Variants in KLHL8 observed in about 807,000 individuals in gnomAD.
The protein encoded by KLHL8 is kelch like family member 8.
A neutral mutation model predicts 63.5 loss-of-function variants in KLHL8; 38 were observed. The ratio of observed to expected loss-of-function variants is 0.60; its 90% CI spans 0.46 to 0.78. The LOEUF is 0.78. Ranked by LOEUF, KLHL8 falls within the 30% of genes least tolerant of loss-of-function variation. The pLI is 0.00. For synonymous variants in KLHL8, 224 were observed against 254.3 expected (o/e 0.88, Z 1.13); for missense variants, 566 against 752.4 (o/e 0.75, Z 2.90).
chr4:87,191,272 C>G (rs1372159235), intron 2 of KLHL8, among the ~76,000 whole-genome samples: 1 of 152,130 alleles, frequency 6.6e-6, no homozygotes, highest in Non-Finnish European at 1.5e-5. Flanking sequence ...AGTTCAAGAC[C>G]AGCCTGGGCA....
chr4:87,239,756 T>C (rs1733295759), intron 1 of KLHL8, among the ~76,000 whole-genome samples: 1 of 152,192 alleles, frequency 6.6e-6, no homozygotes, highest in Non-Finnish European at 1.5e-5. Context: ...TAAGATTTAT[T>C]TGAGAAACAT....
chr4:87,210,738 C>T lies in KLHL8; in HGVS notation c.-152+9680G>A, dbSNP rs116364775. 4.0e-3 allele frequency among the ~76,000 whole-genome samples: 603 copies of T among 152,262 alleles called. 2 individuals carry two copies. Among genetic ancestry groups the T allele is most frequent in the African/African-American group, 0.014 (562 of 41,532 alleles). On this transcript the variant is annotated intron_variant, in intron 1 of 9. Coordinates refer to ENST00000273963, the MANE Select transcript of KLHL8 (RefSeq NM_020803.5). Reference sequence around the variant, plus strand: ...TTTCCACATACTTTAGGCTATTTCACACCTCTCTGCCTCCTTTCAGGCTTT... The same window carrying T: ...TTTCCACATACTTTAGGCTATTTCATACCTCTCTGCCTCCTTTCAGGCTTT...
At chr4:87,181,307 G>A (rs1295443664) in intron 4 of KLHL8, among the ~76,000 whole-genome samples, 3 of 151,440 alleles carry the variant, frequency 2.0e-5, no homozygotes, top group African/African-American at 4.8e-5. Flanking sequence ...TTTGCCCGGC[G>A]TGGTGGGGCA....
intron 8 of KLHL8, among the ~76,000 whole-genome samples, 196 bp from the exon 9 acceptor site, chr4:87,164,275 G>T (rs1578353548): frequency 1.3e-5 from 2 of 151,668 alleles, no homozygotes; most frequent in South Asian, 2.1e-4. Flanking sequence ...ACAATTCCAC[G>T]TTAGGTAAGT....
chr4:87,165,558 TA>T lies in KLHL8; in HGVS notation c.1538-1480del, dbSNP rs201718045. On this transcript the variant is annotated intron_variant, in intron 8 of 9. Transcript: ENST00000273963. The stretch of plus-strand genomic sequence containing the variant: ...ATAGGCATATGCCACCACTCCTGGC[TA>T]ATTTTTTTTTTTTTTAAATAGAGAT... 6.0e-3 allele frequency among the ~76,000 whole-genome samples: 905 copies of T among 151,660 alleles called. 28 individuals are homozygous for T. The highest frequency in any genetic ancestry group is 0.053 in the Admixed American group (812 of 15,216).
intron 1 of KLHL8, among the ~76,000 whole-genome samples, chr4:87,205,662 C>G (rs781530280): frequency 3.9e-5 from 6 of 152,078 alleles, no homozygotes; most frequent in Non-Finnish European, 8.8e-5. Context: ...TGGGGTTTTG[C>G]CATGTTGCCC....
chr4:87,219,684 C>A (rs1220651181), intron 1 of KLHL8: 1 of 152,308 alleles, frequency 6.6e-6, no homozygotes, highest in Admixed American at 6.5e-5. Context: ...GCCAACTGAA[C>A]CCAGCACGGA....
At chr4:87,203,213 G>C (rs371947586) in intron 1 of KLHL8, among the ~76,000 whole-genome samples, 2 of 152,112 alleles carry the variant, frequency 1.3e-5, no homozygotes, top group African/African-American at 4.8e-5. Flanking sequence ...GGAACAGCTA[G>C]AACTAGTAAG....
chr4:87,225,739 T>C (rs1560722802), intron 1 of KLHL8, among the ~76,000 whole-genome samples: 1 of 152,230 alleles, frequency 6.6e-6, no homozygotes, highest in Non-Finnish European at 1.5e-5. Flanking sequence ...TGGGTGAAGC[T>C]AAAACAGAAA....
chr4:87,177,989 G>A (rs915451512), intron 5 of KLHL8, among the ~76,000 whole-genome samples: 3 of 152,072 alleles, frequency 2.0e-5, no homozygotes, highest in Non-Finnish European at 4.4e-5. Context: ...TGTGTTGCAA[G>A]TGGTTTTCAT....
chr4:87,210,846 C>T (rs1454825100), intron 1 of KLHL8, among the ~76,000 whole-genome samples: 1 of 152,222 alleles, frequency 6.6e-6, no homozygotes, highest in Non-Finnish European at 1.5e-5. Context: ...GGTTCATCTG[C>T]TCAGGAAGGC....
upstream of KLHL8, among the ~76,000 whole-genome samples, chr4:87,222,016 G>A (rs1732874664): frequency 6.6e-6 from 1 of 152,096 alleles, no homozygotes; most frequent in African/African-American, 2.4e-5. Flanking sequence ...CAGCTTCAAG[G>A]TGTCTCTTAC....
chr4:87,207,798 C>A, intron 1 of KLHL8: 1 of 957,144 alleles, frequency 1.0e-6, no homozygotes, highest in Non-Finnish European at 1.7e-6. Flanking sequence ...TCACCACTGC[C>A]AAGGTGTCGG....
At chr4:87,195,943 T>C (rs1426616453) in intron 1 of KLHL8, among the ~76,000 whole-genome samples, 1 of 152,134 alleles carries the variant, frequency 6.6e-6, no homozygotes, top group Non-Finnish European at 1.5e-5. Flanking sequence ...TAATATGCTA[T>C]CTTCAAAGAG....
chr4:87,226,103 A>T (rs13134907), intron 1 of KLHL8, among the ~76,000 whole-genome samples: 11,790 of 152,186 alleles, frequency 0.077, 628 homozygotes, highest in Non-Finnish European at 0.12. Context: ...AGAAACTTTG[A>T]TTTTCAGTAA....
intron 6 of KLHL8, among the ~76,000 whole-genome samples, chr4:87,176,331 C>G (rs1225536293): frequency 6.6e-6 from 1 of 152,154 alleles, no homozygotes; most frequent in Non-Finnish European, 1.5e-5. Flanking sequence ...CCCATAGATG[C>G]TAGCAGCAAT....
At chr4:87,214,486 C>A (rs1300057808) in intron 1 of KLHL8, among the ~76,000 whole-genome samples, 3 of 133,442 alleles carry the variant, frequency 2.2e-5, no homozygotes, top group Non-Finnish European at 4.7e-5. Flanking sequence ...TAAATACTTA[C>A]ATGTATTCAT....
At position 87,195,481 on chromosome 4, in the gene KLHL8, C is replaced by T; in HGVS notation, c.59G>A (p.Arg20Lys). The stretch of plus-strand genomic sequence containing the variant: ...CTTTATTTGCTGGTGCTGTTGTTGC[C>T]TTTTCCCCTTTGTAATGTGATTCCT... ...QARNHITKGKRQQQHQQIKNR... is the reference protein window; with the variant it reads ...QARNHITKGKKQQQHQQIKNR... Residue 20 changes from arginine (R) to lysine (K), a missense_variant, in exon 2 of 10, where the codon AGG becomes AAG. Transcript: ENST00000273963. 6.2e-7 allele frequency: 1 copy of T among 1,613,858 alleles called. No individual in the cohort carries two copies. Among genetic ancestry groups the T allele is most frequent in the South Asian group, 1.1e-5 (1 of 91,074 alleles).
rs1409576460 is a variant in KLHL8 at position 87,195,351 on chromosome 4, ATTT to A, written c.186_188del (p.Glu62_Asn63delinsAsp). The A allele has an allele frequency of 1.2e-6, 2 of 1,612,548 alleles. No individual in the cohort carries two copies. Among genetic ancestry groups the A allele is most frequent in the Non-Finnish European group, 1.7e-6 (2 of 1,179,890 alleles). ...TGAGTGTGACATCACAGAGTTCTCC[ATTT>A]TCATAAAATCGAAGAAGAGAACCAT... is the stretch of plus-strand genomic sequence containing the variant. On this transcript the variant is annotated inframe_deletion, in exon 2 of 10. Transcript: ENST00000273963.
Sources: gnomAD v4.1 joint callset for allele counts (sites outside exome capture counted in the v4.1 genomes callset) on GRCh38, gnomAD v4.1.1 for gene constraint, MANE v1.5 for transcripts, NCBI Gene and HGNC (gene_info 2026-07-23, HGNC 2026-07-21) for gene names.